Variants in NOS1 observed in about 807,000 individuals in gnomAD.
The protein encoded by NOS1 is NOS type I.
Under a neutral mutation model 164.5 loss-of-function variants are expected in NOS1, and 51 were observed. The ratio of observed to expected loss-of-function variants is 0.31; its 90% CI spans 0.25 to 0.39. NOS1 has a LOEUF of 0.39. Among genes scored for constraint, NOS1 ranks in the 10% least tolerant of loss-of-function variants. The pLI, the probability that NOS1 is intolerant of heterozygous loss-of-function variation, is 1.00. For synonymous variants in NOS1, 719 were observed against 745.8 expected, an observed-to-expected ratio of 0.96 and a Z score of 0.59; for missense variants, 1,362 against 1,885.6, an observed-to-expected ratio of 0.72 and a Z score of 5.14.
At position 117,208,396 on chromosome 12, in the gene NOS1, G is replaced by GTGTGTGTGTGTGTGTGT; in HGVS notation, c.*6896_*6912dup. ...GACGGCCGAGTTTCTGACAGCGTGT[G>GTGTGTGTGTGTGTGTGT]TGTGTGTGTGTGTGTGTGTGTGTGT... On this transcript the variant is annotated 3_prime_UTR_variant, in exon 29 of 29. Transcript: ENST00000317775. 8.9e-7 allele frequency: 1 copy of GTGTGTGTGTGTGTGTGT among 1,118,344 alleles called. No homozygotes were observed. Among genetic ancestry groups the GTGTGTGTGTGTGTGTGT allele is most frequent in the African/African-American group, 1.6e-5 (1 of 64,206 alleles). 69.3% of individuals were successfully genotyped at this position (1,118,344 alleles called of 1,614,324 possible). A position where few individuals can be genotyped will look rare whatever the true frequency, so the allele number is the denominator to read the frequency against.
Position 117,331,156 on chromosome 12 carries a change from G to T in NOS1, c.-87C>A. On this transcript the variant is annotated 5_prime_UTR_variant, in exon 2 of 29. Transcript: ENST00000317775. The stretch of plus-strand genomic sequence containing the variant: ...TTCACCAGGAGGATCCAGGCTTCAG[G>T]CTACACGGAGAGCAGGAGCCGGGGT... The T allele has an allele frequency of 6.7e-7, 1 of 1,495,182 alleles. No homozygotes were observed. Among genetic ancestry groups the T allele is most frequent in the Non-Finnish European group, 9.0e-7 (1 of 1,110,058 alleles). 92.6% of individuals were successfully genotyped at this position (1,495,182 alleles called of 1,614,324 possible). A position where few individuals can be genotyped will look rare whatever the true frequency, so the allele number is the denominator to read the frequency against.
At chr12:117,295,430 T>C (rs1873342902) in intron 3 of NOS1, among the ~76,000 whole-genome samples, 1 of 152,140 alleles carries the variant, frequency 6.6e-6, no homozygotes, top group South Asian at 2.1e-4. Flanking sequence ...GACATGACAA[T>C]GTCAGAGCTG....
intron 2 of NOS1, among the ~76,000 whole-genome samples, chr12:117,314,617 T>A (rs944297714): frequency 2.6e-5 from 4 of 152,212 alleles, no homozygotes; most frequent in Admixed American, 2.0e-4. Flanking sequence ...CTTCCTTTTT[T>A]ATTTTTTGAA....
intron 20 of NOS1, among the ~76,000 whole-genome samples, chr12:117,241,091 A>C (rs1870135209): frequency 6.6e-6 from 1 of 151,602 alleles, no homozygotes; most frequent in Non-Finnish European, 1.5e-5. Context: ...AGGCCCCCAC[A>C]ACCACGCCTG....
At chr12:117,285,631 TTC>T (rs1397691492) in intron 6 of NOS1, among the ~76,000 whole-genome samples, 1 of 151,854 alleles carries the variant, frequency 6.6e-6, no homozygotes, top group African/African-American at 2.4e-5. Context: ...TGGTTACATT[TTC>T]TGTTAGGTTA....
Position 117,265,403 on chromosome 12 carries a change from C to A in NOS1, c.2049G>T (p.Trp683Cys). Reference sequence around the variant, plus strand: ...TGCTTCCGGACATGGGGGGCACGATCCACACCCAGTCGGCAGGGCAGCCCC... The same window carrying A: ...TGCTTCCGGACATGGGGGGCACGATACACACCCAGTCGGCAGGGCAGCCCC... The part of the protein sequence containing the change: ...CRGGCPADWV[W>C]IVPPMSGSIT... Residue 683 changes from tryptophan to cysteine, a missense_variant, in exon 12 of 29, where the codon TGG becomes TGT. Coordinates refer to ENST00000317775, the MANE Select transcript of NOS1 (RefSeq NM_000620.5). 1 of 1,598,104 alleles carries A rather than the reference C, an allele frequency of 6.3e-7. No homozygotes were observed. Among genetic ancestry groups the A allele is most frequent in the Non-Finnish European group, 8.5e-7 (1 of 1,172,598 alleles).
intron 27 of NOS1, among the ~76,000 whole-genome samples, chr12:117,219,716 G>A (rs9658536): frequency 0.097 from 14,738 of 152,162 alleles, 1,140 homozygotes; most frequent in Admixed American, 0.28. Flanking sequence ...AGTTCTCCTC[G>A]GATCTCTTTG....
intron 20 of NOS1, among the ~76,000 whole-genome samples, chr12:117,238,919 T>C (rs1317684861): frequency 6.6e-6 from 1 of 152,002 alleles, no homozygotes; most frequent in African/African-American, 2.4e-5. Flanking sequence ...CTTCGGAAAA[T>C]GATGTTTTTA....
chr12:117,354,278 A>C (rs1876763096), intron 1 of NOS1, among the ~76,000 whole-genome samples: 1 of 152,226 alleles, frequency 6.6e-6, no homozygotes, highest in South Asian at 2.1e-4. Flanking sequence ...TAAAAATATC[A>C]AGCCAAGAAA....
At position 117,214,911 on chromosome 12, in the gene NOS1, G is replaced by C; in HGVS notation, c.*398C>G. 1 of 1,016,238 alleles carries C rather than the reference G, an allele frequency of 9.8e-7. No homozygotes were observed. Among genetic ancestry groups the C allele is most frequent in the African/African-American group, 1.7e-5 (1 of 58,640 alleles). The allele number at this position is 1,016,238 out of a possible 1,614,324, so 63.0% of individuals were successfully genotyped here. A position where few individuals can be genotyped will look rare whatever the true frequency, so the allele number is the denominator to read the frequency against. ...GTCATCATAAAAAAGGAGAAAGGGG[G>C]ACTTCAGTGGCTGAGGGACTGGCTC... On this transcript the variant is annotated 3_prime_UTR_variant, in exon 29 of 29. Transcript: ENST00000317775.
At chr12:117,274,071 C>G (rs1026526865) in intron 9 of NOS1, among the ~76,000 whole-genome samples, 30 of 152,066 alleles carry the variant, frequency 2.0e-4, no homozygotes, top group Admixed American at 9.8e-4. Context: ...ATTCATCCAC[C>G]AAGGGATTAA....
chr12:117,213,561 C>T lies in NOS1; in HGVS notation c.*1748G>A, dbSNP rs891497098. ...ATTGCCTTTTCACTTTAACAGTCTC[C>T]TGGCCTGGGCCCTTTGGGGTCTTGG... is the stretch of plus-strand genomic sequence containing the variant. On this transcript the variant is annotated 3_prime_UTR_variant, in exon 29 of 29. Transcript: ENST00000317775. 3.6e-5 allele frequency: 35 copies of T among 985,360 alleles called. No individual in the cohort carries two copies. The highest frequency in any genetic ancestry group is 1.2e-4 in the Admixed American group (2 of 16,270). The allele number at this position is 985,360 out of a possible 1,614,324, so 61.0% of individuals were successfully genotyped here. A position where few individuals can be genotyped will look rare whatever the true frequency, so the allele number is the denominator to read the frequency against.
Position 117,243,175 on chromosome 12 carries a change from G to C in NOS1, c.2962+122C>G. ...AGCAGCAAAGTATTCATTTTGGTAG[G>C]ACTGCACTAAAGGGAGATCAAAGCA... On this transcript the variant is annotated intron_variant, in intron 19 of 28. Transcript: ENST00000317775. This position sits in a 1 kb window ranked among gnomAD's most constrained non-coding sequence, Gnocchi z 4.3. The C allele has an allele frequency of 2.6e-6, 3 of 1,168,696 alleles. No homozygotes were observed. The highest frequency in any genetic ancestry group is 3.7e-6 in the Non-Finnish European group (3 of 820,612). The allele number at this position is 1,168,696 out of a possible 1,614,324, so 72.4% of individuals were successfully genotyped here.
intron 2 of NOS1, among the ~76,000 whole-genome samples, chr12:117,325,060 A>G (rs1441345642): frequency 6.6e-6 from 1 of 152,220 alleles, no homozygotes; most frequent in African/African-American, 2.4e-5. Context: ...CTCCCACCTC[A>G]GCTTGGCTCC....
At chr12:117,313,565 G>T (rs1295639695) in intron 2 of NOS1, among the ~76,000 whole-genome samples, 1 of 152,072 alleles carries the variant, frequency 6.6e-6, no homozygotes, top group African/African-American at 2.4e-5. Context: ...CAAAGTGCTG[G>T]GATTACAGGT....
chr12:117,322,313 C>CT (rs1198614842), intron 2 of NOS1, among the ~76,000 whole-genome samples: 9 of 121,798 alleles, frequency 7.4e-5, no homozygotes, highest in Non-Finnish European at 1.2e-4. Flanking sequence ...CCCTCTGTCC[C>CT]TCCTCTTCCT....
chr12:117,358,793 AAAT>A (rs1876979270), intron 1 of NOS1, among the ~76,000 whole-genome samples: 2 of 152,314 alleles, frequency 1.3e-5, no homozygotes, highest in South Asian at 4.1e-4. Flanking sequence ...TTGGGGAAAA[AAAT>A]CACACAATTT....
In NOS1 at chr12:117,330,734, T is replaced by C. The variant is rs371133098; in HGVS notation, c.336A>G (p.Thr112=). Residue 112 remains threonine (T), a synonymous_variant, in exon 2 of 29, where the codon ACA becomes ACG. Transcript: ENST00000317775. This position sits in a 1 kb window ranked among gnomAD's most constrained non-coding sequence, Gnocchi z 4.6. ...GGATGGTCTTGGGGGTCCCATCACC[T>C]GTAAAGGTGGTCTCCAGGTGCGTGG... ...GFTTHLETTF[T]GDGTPKTIRV... 175 of 1,613,984 alleles carry C rather than the reference T, an allele frequency of 1.1e-4. No homozygotes were observed. The highest frequency in any genetic ancestry group is 5.0e-4 in the Middle Eastern group (3 of 6,058).
chr12:117,269,410 T>G (rs1417370146), intron 10 of NOS1, among the ~76,000 whole-genome samples: 1 of 147,878 alleles, frequency 6.8e-6, no homozygotes, highest in East Asian at 2.0e-4. Context: ...TGCCAAGGAG[T>G]CAGGATGTTA....
Sources: allele counts gnomAD v4.1 joint callset (sites outside exome capture counted in the v4.1 genomes callset), GRCh38; gene constraint gnomAD v4.1.1; non-coding constraint Gnocchi (gnomAD v3.1); transcripts MANE v1.5; gene names NCBI Gene and HGNC (gene_info 2026-07-23, HGNC 2026-07-21).